FAM149B1: variants seen among roughly 807,000 people sequenced by gnomAD.
FAM149B1 encodes family with sequence similarity 149 member B1, also known as primary cilium assembly protein FAM149B1.
Under a neutral mutation model 75.3 loss-of-function variants are expected in FAM149B1, and 56 were observed. That is an observed-to-expected ratio of 0.74 (90% CI 0.60 to 0.93). The LOEUF (loss-of-function observed/expected upper bound fraction) is 0.93, where lower values mean the gene tolerates loss of function less well. FAM149B1 is among the 40% of genes least tolerant of loss of function. FAM149B1 has a pLI of 0.00. For missense variants in FAM149B1, 639 were observed against 708.4 expected (o/e 0.90, Z 1.11); for synonymous variants, 259 against 256.1 (o/e 1.01, Z -0.11).
At chr10:73,187,468 G>A (rs1041426096) in intron 3 of FAM149B1, among the ~76,000 whole-genome samples, 4 of 150,956 alleles carry the variant, frequency 2.6e-5, no homozygotes, top group Admixed American at 2.0e-4. Flanking sequence ...GGTGGCTCAC[G>A]CCTGTAATCC....
In FAM149B1 at chr10:73,233,007, A is replaced by T. The variant is rs760240891; in HGVS notation, c.1196A>T (p.Asn399Ile). Residue 399 changes from asparagine to isoleucine, a missense_variant, in exon 10 of 14, where the codon AAT becomes ATT. Transcript: ENST00000242505. Reference sequence around the variant, plus strand: ...ATCCTTTCAACTCGAAATTGGCCAAATCGAGCTGTGGAGTTTAGTACATCA... The same window carrying T: ...ATCCTTTCAACTCGAAATTGGCCAATTCGAGCTGTGGAGTTTAGTACATCA... ...STILSTRNWPNRAVEFSTSSL... is the reference protein window; with the variant it reads ...STILSTRNWPIRAVEFSTSSL... 222 of 1,551,884 alleles carry T rather than the reference A, an allele frequency of 1.4e-4. No individual in the cohort carries two copies. Among genetic ancestry groups the T allele is most frequent in the Non-Finnish European group, 1.9e-4 (218 of 1,147,028 alleles).
intron 7 of FAM149B1, among the ~76,000 whole-genome samples, chr10:73,227,709 C>T (rs2133394985): frequency 6.6e-6 from 1 of 152,280 alleles, no homozygotes; most frequent in East Asian, 1.9e-4. Context: ...ACTCCCTAGC[C>T]ACATTCTGAG....
chr10:73,240,487 C>T (rs138078566), intron 13 of FAM149B1, among the ~76,000 whole-genome samples: 1,684 of 152,184 alleles, frequency 0.011, 43 homozygotes, highest in East Asian at 0.1. Context: ...CCAAGGCGGG[C>T]GGATCACGAG....
rs1249766882 is a variant in FAM149B1, at chr10:73,233,144, A to G, written c.1333A>G (p.Ile445Val). ...CAETPRSVEE[I>V]LRGARVPVAP... ...TGAAACACCAAGATCTGTGGAAGAA[A>G]TCCTCAGAGGAGCCCGAGTGTAGGT... The change falls in exon 10 of 14, where the codon ATC (isoleucine) becomes GTC (valine). Residue 445 changes from isoleucine to valine, a missense_variant. Transcript: ENST00000242505. 2 of 1,551,362 alleles carry G rather than the reference A, an allele frequency of 1.3e-6. No homozygotes were observed. The highest frequency in any genetic ancestry group is 2.4e-5 in the South Asian group (2 of 84,056).
At position 73,177,843 on chromosome 10, in the gene FAM149B1, T is replaced by C. The variant is rs1257129706; in HGVS notation, c.153-3T>C. ...CTCTCCTCCTCCCAAATTGTGCCTT[T>C]AGCAAGTCTGACATCACAAGAGAAT... is the stretch of plus-strand genomic sequence containing the variant. On this transcript the variant is annotated splice_region_variant and splice_polypyrimidine_tract_variant and intron_variant, in intron 2 of 13. Coordinates refer to ENST00000242505, the MANE Select transcript of FAM149B1 (RefSeq NM_173348.2). 1 of 1,543,358 alleles carries C rather than the reference T, an allele frequency of 6.5e-7. No homozygotes were observed. Among genetic ancestry groups the C allele is most frequent in the Admixed American group, 2.0e-5 (1 of 50,272 alleles).
chr10:73,205,618 A>T (rs560571229), intron 5 of FAM149B1, among the ~76,000 whole-genome samples: 1 of 152,036 alleles, frequency 6.6e-6, no homozygotes, highest in African/African-American at 2.4e-5. Flanking sequence ...CAGTGGTGTG[A>T]TCTAGACTCA....
At chr10:73,182,814 G>C (rs1414609830) in intron 3 of FAM149B1, among the ~76,000 whole-genome samples, 1 of 152,144 alleles carries the variant, frequency 6.6e-6, no homozygotes, top group Non-Finnish European at 1.5e-5. Context: ...ATAAATTCCT[G>C]ACCCACATAA....
chr10:73,243,869 C>T lies in FAM149B1; in HGVS notation c.*2850C>T, dbSNP rs146921292. 1.4e-4 allele frequency: 225 copies of T among 1,613,992 alleles called. No homozygotes were observed. Among genetic ancestry groups the T allele is most frequent in the Non-Finnish European group, 1.7e-4 (203 of 1,180,020 alleles). ...TGAATGGCTGCCTTCAGGCTATCCACGCCTTCATCAAGCCCCAACTCCTTT... is the reference window on the plus strand; with the variant it reads ...TGAATGGCTGCCTTCAGGCTATCCATGCCTTCATCAAGCCCCAACTCCTTT... On this transcript the variant is annotated 3_prime_UTR_variant, in exon 14 of 14. Coordinates refer to ENST00000242505, the MANE Select transcript of FAM149B1 (RefSeq NM_173348.2).
chr10:73,235,474 C>G lies in FAM149B1; in HGVS notation c.1602+156C>G, dbSNP rs1454961585. The G allele has an allele frequency of 2.1e-6, 3 of 1,427,848 alleles. No individual in the cohort carries two copies. The African/African-American group carries it at 4.3e-5, about 21-fold the overall frequency. The allele number at this position is 1,427,848 out of a possible 1,614,324, so 88.4% of individuals were successfully genotyped here. ...AAAAGTGTTATAAATACATTTTGTT[C>G]AAATTCTAACTAGTCCCTGATGCCT... On this transcript the variant is annotated intron_variant, in intron 12 of 13. Transcript: ENST00000242505.
chr10:73,226,178 T>C (rs11000555), intron 7 of FAM149B1, among the ~76,000 whole-genome samples: 15,848 of 151,358 alleles, frequency 0.1, 1,211 homozygotes, highest in East Asian at 0.31. Flanking sequence ...TACAATGTGA[T>C]CCCCATGAGA....
intron 13 of FAM149B1, among the ~76,000 whole-genome samples, chr10:73,240,038 C>G (rs937805112): frequency 6.6e-6 from 1 of 152,148 alleles, no homozygotes; most frequent in African/African-American, 2.4e-5. Context: ...GATCCTCCCA[C>G]CTAAGCCTCC....
rs1589204388 is a variant in FAM149B1, at chr10:73,243,717, T to C, written c.*2698T>C. The C allele has an allele frequency of 6.3e-6, 7 of 1,115,438 alleles. No homozygotes were observed. The East Asian group carries it at 1.7e-4, about 27-fold the overall frequency. 69.1% of individuals were successfully genotyped at this position (1,115,438 alleles called of 1,614,324 possible). Reference sequence around the variant, plus strand: ...CTTAAAACCACCAAATTGTACACTTTAAAAGGACAAATAGAAGGTATGCGG... The same window carrying C: ...CTTAAAACCACCAAATTGTACACTTCAAAAGGACAAATAGAAGGTATGCGG... On this transcript the variant is annotated 3_prime_UTR_variant, in exon 14 of 14. Transcript: ENST00000242505.
chr10:73,237,043 GTGTGTC>G (rs2043838565), intron 12 of FAM149B1, among the ~76,000 whole-genome samples: 1 of 152,100 alleles, frequency 6.6e-6, no homozygotes, highest in African/African-American at 2.4e-5. Context: ...TTTCCTCCCT[GTGTGTC>G]TGTGTCCAGG....
At chr10:73,180,916 C>T (rs1371508517) in intron 3 of FAM149B1, among the ~76,000 whole-genome samples, 1 of 152,084 alleles carries the variant, frequency 6.6e-6, no homozygotes, top group Non-Finnish European at 1.5e-5. Context: ...CCCCCACTAC[C>T]CTTCCCAGCC....
At chr10:73,174,937 T>G in intron 2 of FAM149B1, 146 bp downstream of exon 2, 1 of 585,150 alleles carries the variant, frequency 1.7e-6, no homozygotes, top group Non-Finnish European at 3.1e-6. Context: ...TTAGTTTTCA[T>G]TCTGAAACAG....
chr10:73,187,391 T>TAAAAA (rs773682735), intron 3 of FAM149B1, among the ~76,000 whole-genome samples: 1 of 80,990 alleles, frequency 1.2e-5, no homozygotes, highest in African/African-American at 4.2e-5. Flanking sequence ...TCCAGATTAG[T>TAAAAA]AAAAAAAAAA....
intron 13 of FAM149B1, among the ~76,000 whole-genome samples, chr10:73,240,126 C>T (rs574123167): frequency 9.9e-5 from 15 of 152,264 alleles, no homozygotes; most frequent in Non-Finnish European, 2.1e-4. Flanking sequence ...TGCTATGTTG[C>T]CCAGGCTGCA....
chr10:73,208,383 C>T (rs927644767), intron 5 of FAM149B1, among the ~76,000 whole-genome samples: 1 of 152,200 alleles, frequency 6.6e-6, no homozygotes, highest in African/African-American at 2.4e-5. Context: ...TAGCTGTTTG[C>T]ATCTGAAAAG....
intron 7 of FAM149B1, among the ~76,000 whole-genome samples, chr10:73,210,845 T>G (rs1283532117): frequency 6.6e-6 from 1 of 151,572 alleles, no homozygotes; most frequent in Non-Finnish European, 1.5e-5. Context: ...AAAAAAAAAG[T>G]GGGTATGAGA....
Sources: gnomAD v4.1 joint callset for allele counts (sites outside exome capture counted in the v4.1 genomes callset) on GRCh38, gnomAD v4.1.1 for gene constraint, MANE v1.5 for transcripts, NCBI Gene and HGNC (gene_info 2026-07-23, HGNC 2026-07-21) for gene names.